The following FBXO36 variants were observed in gnomAD, a reference collection of about 807,000 sequenced individuals.
The protein encoded by FBXO36 is F-box protein 36.
A neutral mutation model predicts 17.0 loss-of-function variants in FBXO36; 18 were observed. The observed-to-expected ratio is 1.06, with a 90% CI of 0.73 to 1.57. FBXO36 has a LOEUF of 1.57. Ranked by LOEUF, FBXO36 falls within the 40% of genes most tolerant of loss-of-function variation. The pLI is 0.00. For synonymous variants in FBXO36, 83 were observed against 85.3 expected (o/e 0.97, Z 0.15); for missense variants, 229 against 221.9 (o/e 1.03, Z -0.20).
chr2:230,001,920 C>T (rs2077361151), intron 3 of FBXO36, among the ~76,000 whole-genome samples: 1 of 152,166 alleles, frequency 6.6e-6, no homozygotes, highest in Non-Finnish European at 1.5e-5. Flanking sequence ...CAGGTTCAAG[C>T]GATTCTCATG....
Position 230,010,862 on chromosome 2 carries a change from A to G in FBXO36, c.545A>G (p.Asn182Ser). The G allele has an allele frequency of 6.2e-7, 1 of 1,612,100 alleles. No homozygotes were observed. The highest frequency in any genetic ancestry group is 8.5e-7 in the Non-Finnish European group (1 of 1,178,726). Residue 182 changes from asparagine to serine, a missense_variant, in exon 4 of 4, where the codon AAC (asparagine) becomes AGC (serine). Transcript: ENST00000283946. ...QLRKRKQKYG[N>S]LREKQP is the part of the protein sequence containing the mutation. ...CGCAAGAGGAAACAAAAATATGGAA[A>G]CCTGAGAGAAAAGCAACCTTAGGCA...
intron 2 of FBXO36, among the ~76,000 whole-genome samples, chr2:229,988,477 G>C (rs1202656184): frequency 6.6e-6 from 1 of 152,068 alleles, no homozygotes; most frequent in Non-Finnish European, 1.5e-5. Context: ...GTATATCCAG[G>C]AAATCGCTTC....
intron 2 of FBXO36, among the ~76,000 whole-genome samples, chr2:229,983,632 A>G (rs2077252312): frequency 6.6e-6 from 1 of 152,194 alleles, no homozygotes; most frequent in Admixed American, 6.5e-5. Context: ...AAGAATCAAA[A>G]CTGTCATGTT....
At chr2:229,964,254 G>A (rs1481695527) in intron 1 of FBXO36, among the ~76,000 whole-genome samples, 1 of 151,880 alleles carries the variant, frequency 6.6e-6, no homozygotes, top group Admixed American at 6.6e-5. Flanking sequence ...CTTTTCAGGT[G>A]GCATGAATTT....
chr2:229,962,102 G>C (rs1282228887), intron 1 of FBXO36, among the ~76,000 whole-genome samples: 1 of 151,684 alleles, frequency 6.6e-6, no homozygotes. Flanking sequence ...AGAATCACTT[G>C]AACCTGTGAG....
chr2:229,984,889 C>A (rs540220637), intron 2 of FBXO36, among the ~76,000 whole-genome samples: 2 of 152,216 alleles, frequency 1.3e-5, no homozygotes, highest in East Asian at 3.9e-4. Context: ...GCTGGGACAT[C>A]TATATCTGCA....
chr2:229,924,459 T>C (rs928171669), intron 1 of FBXO36, among the ~76,000 whole-genome samples: 20 of 152,198 alleles, frequency 1.3e-4, no homozygotes, highest in African/African-American at 4.6e-4. Context: ...ATATAATCTG[T>C]TCTAATCTTA....
intron 3 of FBXO36, among the ~76,000 whole-genome samples, chr2:230,006,492 C>G (rs886531241): frequency 6.6e-6 from 1 of 152,126 alleles, no homozygotes; most frequent in Non-Finnish European, 1.5e-5. Context: ...ACTGCTGGAC[C>G]GAGTGATATA....
At chr2:230,001,248 C>T (rs1367364925) in intron 3 of FBXO36, among the ~76,000 whole-genome samples, 6 of 152,062 alleles carry the variant, frequency 3.9e-5, no homozygotes, top group African/African-American at 1.4e-4. Flanking sequence ...TTCCATTTAC[C>T]TGTTACACAC....
At chr2:229,946,742 A>G (rs1378718296) in intron 1 of FBXO36, among the ~76,000 whole-genome samples, 1 of 152,144 alleles carries the variant, frequency 6.6e-6, no homozygotes, top group African/African-American at 2.4e-5. Context: ...TAGACTAAAC[A>G]CTGTAAGAGC....
chr2:229,959,417 C>T (rs753963388), intron 1 of FBXO36, among the ~76,000 whole-genome samples: 17 of 152,104 alleles, frequency 1.1e-4, no homozygotes, highest in Admixed American at 2.0e-4. Flanking sequence ...GTTTTGCTTT[C>T]AGAAAACCTG....
At chr2:230,000,050 G>A (rs1420035616) in intron 3 of FBXO36, among the ~76,000 whole-genome samples, 4 of 151,938 alleles carry the variant, frequency 2.6e-5, no homozygotes, top group Admixed American at 2.6e-4. Flanking sequence ...TTTTGTGCTT[G>A]GTGCTGATAA....
chr2:229,982,349 A>G (rs1232275277), intron 2 of FBXO36, among the ~76,000 whole-genome samples: 1 of 152,034 alleles, frequency 6.6e-6, no homozygotes, highest in East Asian at 1.9e-4. Flanking sequence ...TGCAAAGCCA[A>G]CAATGGCAGG....
chr2:229,966,532 T>C (rs1371552558), intron 1 of FBXO36, among the ~76,000 whole-genome samples: 2 of 152,262 alleles, frequency 1.3e-5, no homozygotes, highest in Admixed American at 1.3e-4. Context: ...TTTAAGTCTT[T>C]AATCCATCTT....
intron 2 of FBXO36, among the ~76,000 whole-genome samples, chr2:229,985,415 T>G (rs537354323): frequency 6.8e-4 from 103 of 152,306 alleles, no homozygotes; most frequent in Non-Finnish European, 1.1e-3. Context: ...TCTAGGTTTC[T>G]TTTTTAGACT....
intron 1 of FBXO36, chr2:229,973,338 A>G (rs530165419): frequency 3.9e-4 from 59 of 152,272 alleles, no homozygotes; most frequent in African/African-American, 1.3e-3. Context: ...CAGCACATAT[A>G]CTAAAACTAG....
chr2:229,943,493 G>T lies in FBXO36; in HGVS notation c.96+20884G>T, dbSNP rs145234732. ...GCTGAGTCTTTCCACTATAAATAAG[G>T]CTGTGCAAGGCCAAGTTAATAGATG... is the stretch of plus-strand genomic sequence containing the variant. On this transcript the variant is annotated intron_variant, in intron 1 of 3. Transcript: ENST00000283946. Among the ~76,000 whole-genome samples the T allele has an allele frequency of 3.7e-4, 57 of 152,212 alleles. 3 individuals carry two copies. The East Asian group carries it at 8.9e-3, about 24-fold the overall frequency.
intron 1 of FBXO36, among the ~76,000 whole-genome samples, chr2:229,968,499 G>C (rs2077165001): frequency 6.6e-6 from 1 of 152,098 alleles, no homozygotes; most frequent in African/African-American, 2.4e-5. Context: ...ACAGGGTCTT[G>C]CTTTGTCACC....
intron 3 of FBXO36, among the ~76,000 whole-genome samples, chr2:230,005,633 C>T (rs570363676): frequency 6.6e-6 from 1 of 152,158 alleles, no homozygotes; most frequent in Non-Finnish European, 1.5e-5. Flanking sequence ...TACCTTGGGT[C>T]ACAGACTATA....
Sources: allele counts gnomAD v4.1 joint callset (sites outside exome capture counted in the v4.1 genomes callset), GRCh38; gene constraint gnomAD v4.1.1; transcripts MANE v1.5; gene names NCBI Gene and HGNC (gene_info 2026-07-23, HGNC 2026-07-21).